The following ST8SIA4 variants were observed in gnomAD, a reference collection of about 807,000 sequenced individuals.
ST8SIA4 encodes CMP-N-acetylneuraminate-poly-alpha-2,8-sialyltransferase.
Under a neutral mutation model 33.9 loss-of-function variants are expected in ST8SIA4, and 15 were observed. The observed-to-expected ratio is 0.44, with a 90% confidence interval of 0.30 to 0.68. The LOEUF is 0.68. ST8SIA4 is among the 30% of genes least tolerant of loss of function. The pLI, the probability that ST8SIA4 is intolerant of heterozygous loss-of-function variation, is 0.10. For synonymous variants in ST8SIA4, 171 were observed against 151.2 expected (o/e 1.13, Z -0.96); for missense variants, 321 against 428.0 (o/e 0.75, Z 2.21).
intron 3 of ST8SIA4, among the ~76,000 whole-genome samples, chr5:100,884,524 T>C (rs923315466): frequency 1.3e-5 from 2 of 152,186 alleles, no homozygotes; most frequent in African/African-American, 4.8e-5. Flanking sequence ...GTGAGATATA[T>C]GCAGGCTATA....
chr5:100,855,970 G>T, intron 4 of ST8SIA4, 133 bp downstream of exon 4: 1 of 860,254 alleles, frequency 1.2e-6, no homozygotes, highest in East Asian at 2.7e-5. Context: ...TGTAAATAGA[G>T]TAACCATTAT....
chr5:100,869,369 G>T (rs927825736), intron 3 of ST8SIA4, among the ~76,000 whole-genome samples: 2 of 152,102 alleles, frequency 1.3e-5, no homozygotes, highest in Admixed American at 1.3e-4. Flanking sequence ...TAGATCTACC[G>T]ACCATTTGCT....
intron 3 of ST8SIA4, among the ~76,000 whole-genome samples, chr5:100,875,731 G>A (rs557822773): frequency 6.6e-6 from 1 of 152,236 alleles, no homozygotes; most frequent in Non-Finnish European, 1.5e-5. Flanking sequence ...ACAAGTGTTA[G>A]TGTTTTTGAT....
chr5:100,843,669 T>G (rs1295046690), intron 4 of ST8SIA4, among the ~76,000 whole-genome samples: 2 of 151,920 alleles, frequency 1.3e-5, no homozygotes, highest in Non-Finnish European at 2.9e-5. Flanking sequence ...CAATTTTTTG[T>G]TACTGAGCTT....
At chr5:100,862,976 A>C (rs1377828528) in intron 3 of ST8SIA4, among the ~76,000 whole-genome samples, 1 of 152,238 alleles carries the variant, frequency 6.6e-6, no homozygotes, top group South Asian at 2.1e-4. Flanking sequence ...TCAAAAGTTC[A>C]GTTGCATATG....
At chr5:100,855,211 C>T (rs2112439110) in intron 4 of ST8SIA4, among the ~76,000 whole-genome samples, 1 of 152,262 alleles carries the variant, frequency 6.6e-6, no homozygotes. Context: ...TTTTATCCCT[C>T]TGGCAATTGC....
At chr5:100,836,238 A>G (rs1751360087) in intron 4 of ST8SIA4, among the ~76,000 whole-genome samples, 1 of 152,046 alleles carries the variant, frequency 6.6e-6, no homozygotes, top group Non-Finnish European at 1.5e-5. Context: ...CCCTATGAGT[A>G]GACACTCTTA....
At chr5:100,866,774 G>C (rs922569769) in intron 3 of ST8SIA4, among the ~76,000 whole-genome samples, 1 of 152,054 alleles carries the variant, frequency 6.6e-6, no homozygotes, top group African/African-American at 2.4e-5. Flanking sequence ...TCATTGATTT[G>C]TAAGTGCTAG....
At chr5:100,829,393 C>T (rs1751206740) in intron 4 of ST8SIA4, among the ~76,000 whole-genome samples, 1 of 152,130 alleles carries the variant, frequency 6.6e-6, no homozygotes, top group Non-Finnish European at 1.5e-5. Flanking sequence ...TCCCTTCACT[C>T]CTCCCAACTA....
At chr5:100,825,265 T>C (rs1751117127) in intron 4 of ST8SIA4, among the ~76,000 whole-genome samples, 1 of 152,108 alleles carries the variant, frequency 6.6e-6, no homozygotes, top group African/African-American at 2.4e-5. Context: ...TTCATGTGTA[T>C]TTATTTATTT....
At chr5:100,819,632 C>T (rs934563728) in intron 4 of ST8SIA4, among the ~76,000 whole-genome samples, 2 of 152,132 alleles carry the variant, frequency 1.3e-5, no homozygotes, top group African/African-American at 4.8e-5. Flanking sequence ...GAAAATATTC[C>T]TCCTGGCCTG....
intron 4 of ST8SIA4, among the ~76,000 whole-genome samples, chr5:100,853,753 C>G (rs927852285): frequency 3.3e-5 from 5 of 152,152 alleles, no homozygotes; most frequent in African/African-American, 1.2e-4. Flanking sequence ...ATATATAACA[C>G]TATCTGGATT....
At chr5:100,888,596 T>C (rs902866838) in intron 2 of ST8SIA4, among the ~76,000 whole-genome samples, 3 of 151,968 alleles carry the variant, frequency 2.0e-5, no homozygotes, top group African/African-American at 7.2e-5. Context: ...ACATTTTTCC[T>C]CTAGTGCTCT....
intron 4 of ST8SIA4, among the ~76,000 whole-genome samples, chr5:100,848,508 T>C (rs1751615104): frequency 6.7e-6 from 1 of 150,116 alleles, no homozygotes; most frequent in Admixed American, 6.7e-5. Flanking sequence ...ATACTCTGTA[T>C]AGTATATATA....
Position 100,895,795 on chromosome 5 carries a change from A to C in ST8SIA4, c.114-10T>G. Reference sequence around the variant, plus strand: ...AGACAATTCACCATCTCTGAAACAAAACAAAATTGCCAGCTTTGTGAAAGT... The same window carrying C: ...AGACAATTCACCATCTCTGAAACAACACAAAATTGCCAGCTTTGTGAAAGT... On this transcript the variant is annotated splice_polypyrimidine_tract_variant and intron_variant, in intron 1 of 4. Coordinates refer to ENST00000231461, the MANE Select transcript of ST8SIA4 (RefSeq NM_005668.6). 1.2e-6 allele frequency: 2 copies of C among 1,611,288 alleles called. No individual in the cohort carries two copies. Among genetic ancestry groups the C allele is most frequent in the Non-Finnish European group, 1.7e-6 (2 of 1,178,412 alleles).
intron 1 of ST8SIA4, among the ~76,000 whole-genome samples, chr5:100,898,135 T>G (rs572562792): frequency 9.8e-4 from 149 of 152,212 alleles, no homozygotes; most frequent in African/African-American, 2.8e-3. Flanking sequence ...CAATAAACTT[T>G]CATAGGAGAA....
chr5:100,849,845 C>G lies in ST8SIA4; in HGVS notation c.797+6258G>C, dbSNP rs1561393777. On this transcript the variant is annotated intron_variant, in intron 4 of 4. Coordinates refer to ENST00000231461, the MANE Select transcript of ST8SIA4 (RefSeq NM_005668.6). ...TAAACAAAAAACAAACAAAAAAACA[C>G]TGTTGTAGGGCATGAGATGTTTACC... Among the ~76,000 whole-genome samples the G allele has an allele frequency of 3.3e-5, 5 of 152,096 alleles. 1 individual carries two copies. The highest frequency in any genetic ancestry group is 2.0e-4 in the Admixed American group (3 of 15,260).
At chr5:100,862,721 T>C (rs990676117) in intron 3 of ST8SIA4, among the ~76,000 whole-genome samples, 2 of 152,250 alleles carry the variant, frequency 1.3e-5, no homozygotes, top group Middle Eastern at 3.4e-3. Context: ...TTATTGAACA[T>C]TTGTTATGTG....
At chr5:100,829,637 C>T (rs971966127) in intron 4 of ST8SIA4, among the ~76,000 whole-genome samples, 5 of 152,132 alleles carry the variant, frequency 3.3e-5, no homozygotes, top group East Asian at 1.9e-4. Flanking sequence ...CGGCCGGGCG[C>T]GATGGCTCAC....
Sources: gnomAD v4.1 joint callset for allele counts (sites outside exome capture counted in the v4.1 genomes callset) on GRCh38, gnomAD v4.1.1 for gene constraint, MANE v1.5 for transcripts, NCBI Gene and HGNC (gene_info 2026-07-23, HGNC 2026-07-21) for gene names.